The following KHDRBS1 variants were observed in gnomAD, a reference collection of about 807,000 sequenced individuals.
KHDRBS1 encodes the protein KH RNA binding domain containing, signal transduction associated 1, also known as KH domain-containing, RNA-binding, signal transduction-associated protein 1.
KHDRBS1 carries 7 observed loss-of-function variants against 48.4 expected under a neutral mutation model. The observed-to-expected ratio is 0.14, with a 90% CI of 0.08 to 0.27. The LOEUF (loss-of-function observed/expected upper bound fraction) is 0.27, where lower values mean the gene tolerates loss of function less well. Ranked by LOEUF, KHDRBS1 falls within the 10% of genes least tolerant of loss-of-function variation. The probability of loss-of-function intolerance (pLI) is 1.00; values close to 1 mark genes in which losing one functional copy is unlikely to be tolerated. For synonymous variants in KHDRBS1, 241 were observed against 235.8 expected (o/e 1.02, Z -0.20); for missense variants, 458 against 601.2 (o/e 0.76, Z 2.49).
chr1:32,027,297 C>G (rs755957430), intron 1 of KHDRBS1, among the ~76,000 whole-genome samples: 44 of 152,218 alleles, frequency 2.9e-4, no homozygotes, highest in Non-Finnish European at 5.0e-4. Context: ...CTTTGTTCTT[C>G]TAGGACTTTG....
chr1:32,056,018 T>C (rs1184679962), intron 10 of KHDRBS1, among the ~76,000 whole-genome samples: 1 of 152,134 alleles, frequency 6.6e-6, no homozygotes, highest in African/African-American at 2.4e-5. Flanking sequence ...ACAGCTCTCT[T>C]CTAAAAGGAG....
At chr1:32,055,075 A>G (rs1245240578) in intron 10 of KHDRBS1, among the ~76,000 whole-genome samples, 1 of 152,186 alleles carries the variant, frequency 6.6e-6, no homozygotes, top group Non-Finnish European at 1.5e-5. Context: ...CCGCATGATC[A>G]GCTTACACCA....
chr1:32,042,726 G>GTC lies in KHDRBS1; in HGVS notation c.*104_*105dup. The GTC allele has an allele frequency of 1.4e-6, 1 of 715,302 alleles. No individual in the cohort carries two copies. Among genetic ancestry groups the GTC allele is most frequent in the South Asian group, 1.6e-5 (1 of 62,130 alleles). The allele number at this position is 715,302 out of a possible 1,614,324, so 44.3% of individuals were successfully genotyped here. A position where few individuals can be genotyped will look rare whatever the true frequency, so the allele number is the denominator to read the frequency against. On this transcript the variant is annotated 3_prime_UTR_variant, in exon 9 of 9. Coordinates refer to ENST00000327300, the MANE Select transcript of KHDRBS1 (RefSeq NM_006559.3). Reference sequence around the variant, plus strand: ...CTTTACCCACAACAGACAAGTAATTGTCTAAGTGTTTTTCTTCGTGGTCCC... The same window carrying GTC: ...CTTTACCCACAACAGACAAGTAATTGTCTCTAAGTGTTTTTCTTCGTGGTCCC...
At chr1:32,016,941 T>G (rs1039393461) in intron 1 of KHDRBS1, among the ~76,000 whole-genome samples, 1 of 152,136 alleles carries the variant, frequency 6.6e-6, no homozygotes, top group Non-Finnish European at 1.5e-5. Flanking sequence ...CATATTCACC[T>G]TCATTGAAGA....
At chr1:32,057,810 AGAG>A (rs1277723299) in intron 10 of KHDRBS1, among the ~76,000 whole-genome samples, 2 of 141,982 alleles carry the variant, frequency 1.4e-5, no homozygotes, top group African/African-American at 2.8e-5. Flanking sequence ...AAAAAAAAAA[AGAG>A]AGAGAGAGAT....
chr1:32,014,159 C>G lies in KHDRBS1; in HGVS notation c.164C>G (p.Ala55Gly). Residue 55 changes from alanine (A) to glycine (G), a missense_variant, in exon 1 of 9, where the codon GCC (alanine) becomes GGC (glycine). Transcript: ENST00000327300. ...GGCGGAGGGGGATCCCGCGGGGGCG[C>G]CCGGGCCTCGCCCGCCACGCAGCCG... ...RGGGGGSRGGARASPATQPPP... is the reference protein window; with the variant it reads ...RGGGGGSRGGGRASPATQPPP... 1.5e-6 allele frequency: 2 copies of G among 1,303,280 alleles called. No homozygotes were observed. Among genetic ancestry groups the G allele is most frequent in the Non-Finnish European group, 1.9e-6 (2 of 1,026,414 alleles). 80.7% of individuals were successfully genotyped at this position (1,303,280 alleles called of 1,614,324 possible). A position where few individuals can be genotyped will look rare whatever the true frequency, so the allele number is the denominator to read the frequency against.
intron 3 of KHDRBS1, among the ~76,000 whole-genome samples, chr1:32,032,346 C>T (rs943100914): frequency 6.6e-6 from 1 of 152,154 alleles, no homozygotes; most frequent in African/African-American, 2.4e-5. Context: ...TTTGTTTTCT[C>T]AGGTCATTTC....
chr1:32,025,292 C>CTTTTTAAATTCGGCTCCTCCT (rs1638943387), intron 1 of KHDRBS1, among the ~76,000 whole-genome samples: 2 of 92,094 alleles, frequency 2.2e-5, no homozygotes, highest in Non-Finnish European at 3.9e-5. Context: ...TCGGCTCCTC[C>CTTTTTAAATTCGGCTCCTCCT]TTTTTTTTTT....
At position 32,013,925 on chromosome 1, in the gene KHDRBS1, C is replaced by A. The variant is rs542002614; in HGVS notation, c.-71C>A. 5.9e-5 allele frequency: 79 copies of A among 1,333,476 alleles called. No homozygotes were observed. The East Asian group carries it at 1.5e-3, about 26-fold the overall frequency. 82.6% of individuals were successfully genotyped at this position (1,333,476 alleles called of 1,614,324 possible). On this transcript the variant is annotated 5_prime_UTR_variant, in exon 1 of 9. Transcript: ENST00000327300. ...GCTACCGCTCCCGCTCTGCCACCCC[C>A]GCCAACCGCCGCTCGGGCCTCCGTC...
intron 8 of KHDRBS1, among the ~76,000 whole-genome samples, chr1:32,041,759 T>G (rs868451299): frequency 3.9e-5 from 6 of 151,974 alleles, no homozygotes; most frequent in African/African-American, 1.5e-4. Flanking sequence ...CTGGCTAATT[T>G]TTGTATTTTT....
chr1:32,056,631 T>C (rs1010171940), intron 10 of KHDRBS1, among the ~76,000 whole-genome samples: 6 of 152,240 alleles, frequency 3.9e-5, no homozygotes, highest in East Asian at 1.9e-4. Context: ...ATGGTTCCTA[T>C]TCATGGCCTA....
intron 8 of KHDRBS1, among the ~76,000 whole-genome samples, chr1:32,039,821 G>T (rs559805039): frequency 6.6e-6 from 1 of 152,194 alleles, no homozygotes; most frequent in East Asian, 1.9e-4. Flanking sequence ...CTTAAACAAG[G>T]GCTCAAGACC....
chr1:32,034,501 G>A (rs181314277), intron 4 of KHDRBS1, among the ~76,000 whole-genome samples: 9 of 151,750 alleles, frequency 5.9e-5, no homozygotes, highest in Admixed American at 3.3e-4. Flanking sequence ...CAGAGGTTGC[G>A]GTAAGCTGAG....
chr1:32,015,243 C>T (rs535504839), intron 1 of KHDRBS1, among the ~76,000 whole-genome samples: 36 of 152,232 alleles, frequency 2.4e-4, no homozygotes, highest in Admixed American at 2.0e-3. Context: ...AGTCTTTGTT[C>T]TGTAGGTTAG....
Position 32,043,748 on chromosome 1 carries a change from T to C in KHDRBS1, c.*1124T>C, listed in dbSNP as rs534392041. ...TAAGTTAAAGTCCTAATTGGATTTG[T>C]ACCGTCCTCCCATTTTGTTCTCGGA... On this transcript the variant is annotated 3_prime_UTR_variant, in exon 9 of 9. Transcript: ENST00000327300. 1 of 152,780 alleles carries C rather than the reference T, an allele frequency of 6.5e-6. No individual in the cohort carries two copies. Among genetic ancestry groups the C allele is most frequent in the Admixed American group, 6.5e-5 (1 of 15,294 alleles). The allele number at this position is 152,780 out of a possible 1,614,324, so 9.5% of individuals were successfully genotyped here.
intron 4 of KHDRBS1, among the ~76,000 whole-genome samples, chr1:32,036,458 T>G (rs1050477175): frequency 6.6e-6 from 1 of 152,154 alleles, no homozygotes; most frequent in African/African-American, 2.4e-5. Flanking sequence ...CGTGAGCCAC[T>G]GCACCCGGCC....
intron 8 of KHDRBS1, among the ~76,000 whole-genome samples, chr1:32,040,932 C>T (rs536333317): frequency 4.3e-4 from 66 of 152,212 alleles, no homozygotes; most frequent in Middle Eastern, 3.4e-3. Flanking sequence ...CCAGTTTTAG[C>T]GAAATAGCAC....
intron 1 of KHDRBS1, among the ~76,000 whole-genome samples, chr1:32,015,935 C>T (rs1021945184): frequency 6.6e-6 from 1 of 152,128 alleles, no homozygotes; most frequent in African/African-American, 2.4e-5. Flanking sequence ...AATCCCAGCA[C>T]TTTGGGAGGC....
chr1:32,022,163 A>G (rs1638871405), intron 1 of KHDRBS1, among the ~76,000 whole-genome samples: 1 of 151,770 alleles, frequency 6.6e-6, no homozygotes, highest in African/African-American at 2.4e-5. Flanking sequence ...GTAAATCTTT[A>G]AATCTTTAGT....
Sources: allele counts gnomAD v4.1 joint callset (sites outside exome capture counted in the v4.1 genomes callset), GRCh38; gene constraint gnomAD v4.1.1; transcripts MANE v1.5; gene names NCBI Gene and HGNC (gene_info 2026-07-23, HGNC 2026-07-21).